Variants in GPR65 observed in about 807,000 individuals in gnomAD.
GPR65 encodes the protein T-cell death-associated gene 8 protein.
GPR65 carries 2 observed loss-of-function variants against 0.7 expected under a neutral mutation model. The observed-to-expected ratio is 2.83, with a 90% CI of 1.16 to 8.92. The LOEUF (loss-of-function observed/expected upper bound fraction) is 8.92, where lower values mean the gene tolerates loss of function less well. Ranked by LOEUF, GPR65 falls within the 30% of genes most tolerant of loss-of-function variation. The pLI, the probability that GPR65 is intolerant of heterozygous loss-of-function variation, is 0.04. For synonymous variants in GPR65, 128 were observed against 146.5 expected, an observed-to-expected ratio of 0.87 and a Z score of 0.91; for missense variants, 379 against 399.4, an observed-to-expected ratio of 0.95 and a Z score of 0.43.
rs776868279 is a variant in GPR65, at chr14:88,010,742, A to G, written c.-106A>G. 1 of 722,550 alleles carries G rather than the reference A, an allele frequency of 1.4e-6. No individual in the cohort carries two copies. The highest frequency in any genetic ancestry group is 2.3e-6 in the Non-Finnish European group (1 of 429,292). The allele number at this position is 722,550 out of a possible 1,614,324, so 44.8% of individuals were successfully genotyped here. On this transcript the variant is annotated 5_prime_UTR_variant, in exon 2 of 2. Transcript: ENST00000267549. ...GACAACAAAGAAAAATTGAAAAAGA[A>G]TTCTCAGTAAAAGCGAATTCGATGT...
rs1320344923 is a variant in GPR65 at position 88,014,102 on chromosome 14, AT to A, written c.*2244del. On this transcript the variant is annotated 3_prime_UTR_variant, in exon 2 of 2. Coordinates refer to ENST00000267549, the MANE Select transcript of GPR65 (RefSeq NM_003608.4). ...TGCTGAAATCTCATTTGCACTATTC[AT>A]TTCTCTTCTCTCTGGAAAGCTCGGC... 6.6e-6 allele frequency: 1 copy of A among 152,228 alleles called. No homozygotes were observed. Among genetic ancestry groups the A allele is most frequent in the Non-Finnish European group, 1.5e-5 (1 of 68,040 alleles). 9.4% of individuals were successfully genotyped at this position (152,228 alleles called of 1,614,324 possible). A position where few individuals can be genotyped will look rare whatever the true frequency, so the allele number is the denominator to read the frequency against.
In GPR65 at chr14:88,010,949, A is replaced by C; in HGVS notation, c.102A>C (p.Gly34=). The part of the protein sequence containing the change: ...VIIVSIPANI[G]SLCVSFLQAK... Reference sequence around the variant, plus strand: ...TAGTCAGCATTCCAGCCAATATTGGATCTCTGTGTGTGTCTTTCCTGCAAG... The same window carrying C: ...TAGTCAGCATTCCAGCCAATATTGGCTCTCTGTGTGTGTCTTTCCTGCAAG... Residue 34 remains glycine (G), a synonymous_variant, in exon 2 of 2, where the codon GGA becomes GGC. Transcript: ENST00000267549. The C allele has an allele frequency of 1.2e-6, 2 of 1,612,886 alleles. No homozygotes were observed. The highest frequency in any genetic ancestry group is 1.1e-5 in the South Asian group (1 of 91,048).
In GPR65 at chr14:88,014,619, T is replaced by C. The variant is rs1316400182; in HGVS notation, c.*2758T>C. 2 of 152,192 alleles carry C rather than the reference T, an allele frequency of 1.3e-5. No individual in the cohort carries two copies. The highest frequency in any genetic ancestry group is 1.3e-4 in the Admixed American group (2 of 15,270). The allele number at this position is 152,192 out of a possible 1,614,324, so 9.4% of individuals were successfully genotyped here. A position where few individuals can be genotyped will look rare whatever the true frequency, so the allele number is the denominator to read the frequency against. On this transcript the variant is annotated 3_prime_UTR_variant, in exon 2 of 2. Transcript: ENST00000267549. ...GCCTATAATTTTCTGAAGCTCTTTATGATGCACCGGTGCATTTTTATTTAA... is the reference window on the plus strand; with the variant it reads ...GCCTATAATTTTCTGAAGCTCTTTACGATGCACCGGTGCATTTTTATTTAA...
At chr14:88,008,724 C>T (rs900782451) in intron 1 of GPR65, among the ~76,000 whole-genome samples, 2 of 152,170 alleles carry the variant, frequency 1.3e-5, no homozygotes, top group African/African-American at 4.8e-5. Context: ...TTTTACTCAA[C>T]AGCATATGAG....
rs1363564030 is a variant in GPR65, at chr14:88,014,109, T to TTC, written c.*2254_*2255dup. ...ATCTCATTTGCACTATTCATTTCTC[T>TTC]TCTCTCTGGAAAGCTCGGCAATCAT... On this transcript the variant is annotated 3_prime_UTR_variant, in exon 2 of 2. Coordinates refer to ENST00000267549, the MANE Select transcript of GPR65 (RefSeq NM_003608.4). 5 of 152,242 alleles carry TTC rather than the reference T, an allele frequency of 3.3e-5. No individual in the cohort carries two copies. The allele number at this position is 152,242 out of a possible 1,614,324, so 9.4% of individuals were successfully genotyped here.
At position 88,011,749 on chromosome 14, in the gene GPR65, T is replaced by C. The variant is rs777862779; in HGVS notation, c.902T>C (p.Met301Thr). Residue 301 changes from methionine (M) to threonine (T), a missense_variant, in exon 2 of 2, where the codon ATG (methionine) becomes ACG (threonine). Physicochemically the swap from Met to Thr is moderately conservative, Grantham distance 81 (BLOSUM62 -1). Transcript: ENST00000267549. ...CFVTETGRYD[M>T]WNILKFCTGR... ...GTAACCGAAACAGGAAGATATGATA[T>C]GTGGAATATATTAAAATTCTGCACT... is the stretch of plus-strand genomic sequence containing the variant. The C allele has an allele frequency of 8.1e-5, 130 of 1,612,932 alleles. No individual in the cohort carries two copies. The highest frequency in any genetic ancestry group is 1.1e-4 in the Non-Finnish European group (128 of 1,179,094).
intron 1 of GPR65, among the ~76,000 whole-genome samples, chr14:88,008,310 C>T (rs1342612864): frequency 6.6e-6 from 1 of 152,172 alleles, no homozygotes; most frequent in Non-Finnish European, 1.5e-5. Flanking sequence ...TCCTCATGCC[C>T]TCTTCCAACA....
At chr14:88,010,107 T>C (rs1887651445) in intron 1 of GPR65, among the ~76,000 whole-genome samples, 2 of 152,236 alleles carry the variant, frequency 1.3e-5, no homozygotes, top group Non-Finnish European at 2.9e-5. Context: ...ACTTTTTAAA[T>C]TGAGTTTTGT....
chr14:88,012,001 A>T lies in GPR65; in HGVS notation c.*140A>T, dbSNP rs1267071260. On this transcript the variant is annotated 3_prime_UTR_variant, in exon 2 of 2. Transcript: ENST00000267549. Reference sequence around the variant, plus strand: ...TGTTTTAATCCAGTCCAATAAAAATATCTTAAAACTGCATTGTACAGCTCC... The same window carrying T: ...TGTTTTAATCCAGTCCAATAAAAATTTCTTAAAACTGCATTGTACAGCTCC... 2 of 624,870 alleles carry T rather than the reference A, an allele frequency of 3.2e-6. No individual in the cohort carries two copies. Among genetic ancestry groups the T allele is most frequent in the African/African-American group, 3.7e-5 (2 of 54,132 alleles). 38.7% of individuals were successfully genotyped at this position (624,870 alleles called of 1,614,324 possible).
At chr14:88,006,484 G>A (rs959746354) in intron 1 of GPR65, among the ~76,000 whole-genome samples, 6 of 152,106 alleles carry the variant, frequency 3.9e-5, no homozygotes, top group Non-Finnish European at 5.9e-5. Flanking sequence ...CAAAGAAGAG[G>A]GCCTCTGCTT....
At position 88,014,795 on chromosome 14, in the gene GPR65, A is replaced by T. The variant is rs963952200; in HGVS notation, c.*2934A>T. The stretch of plus-strand genomic sequence containing the variant: ...CTATATTTTATTCTAGAATAAAATT[A>T]TAAATTTCTTTATCTAGGAAATGTG... On this transcript the variant is annotated 3_prime_UTR_variant, in exon 2 of 2. Coordinates refer to ENST00000267549, the MANE Select transcript of GPR65 (RefSeq NM_003608.4). 6 of 152,152 alleles carry T rather than the reference A, an allele frequency of 3.9e-5. No individual in the cohort carries two copies. The highest frequency in any genetic ancestry group is 3.9e-4 in the Admixed American group (6 of 15,276). 9.4% of individuals were successfully genotyped at this position (152,152 alleles called of 1,614,324 possible). A position where few individuals can be genotyped will look rare whatever the true frequency, so the allele number is the denominator to read the frequency against.
At chr14:88,008,697 A>C (rs1036293945) in intron 1 of GPR65, among the ~76,000 whole-genome samples, 3 of 152,200 alleles carry the variant, frequency 2.0e-5, no homozygotes, top group Non-Finnish European at 4.4e-5. Flanking sequence ...TATGGCATGC[A>C]TAAGTGCCTA....
rs926271839 is a variant in GPR65 at position 88,012,129 on chromosome 14, A to G, written c.*268A>G. 5.1e-5 allele frequency: 14 copies of G among 275,632 alleles called. No homozygotes were observed. Among genetic ancestry groups the G allele is most frequent in the Non-Finnish European group, 8.0e-5 (11 of 137,438 alleles). The allele number at this position is 275,632 out of a possible 1,614,324, so 17.1% of individuals were successfully genotyped here. A position where few individuals can be genotyped will look rare whatever the true frequency, so the allele number is the denominator to read the frequency against. ...TGCCAATTGTTTTTGTATCTGTGCT[A>G]TAATCCCTTAGAGTCAGTAAAGTAT... On this transcript the variant is annotated 3_prime_UTR_variant, in exon 2 of 2. Transcript: ENST00000267549.
At chr14:88,008,538 C>G (rs1887630348) in intron 1 of GPR65, among the ~76,000 whole-genome samples, 1 of 152,078 alleles carries the variant, frequency 6.6e-6, no homozygotes, top group South Asian at 2.1e-4. Context: ...TCCCAATTTA[C>G]TCATCTATTA....
chr14:88,006,486 C>T (rs373700180), intron 1 of GPR65, among the ~76,000 whole-genome samples: 4 of 152,158 alleles, frequency 2.6e-5, no homozygotes, highest in African/African-American at 9.7e-5. Flanking sequence ...AAGAAGAGGG[C>T]CTCTGCTTCA....
In GPR65 at chr14:88,011,041, T is replaced by A; in HGVS notation, c.194T>A (p.Leu65Ter). ...TCACTATCAGATTTACTCTATGCAT[T>A]AACTCTCCCTTTATGGATTGATTAT... ...SLSLSDLLYA[L>*]TLPLWIDYTW... The change falls in exon 2 of 2, where the codon TTA becomes TAA. Residue 65 changes from leucine to a stop codon, truncating the protein, a stop_gained. Coordinates refer to ENST00000267549, the MANE Select transcript of GPR65 (RefSeq NM_003608.4). LOFTEE classifies it low-confidence loss of function (END_TRUNC). 1 of 1,611,522 alleles carries A rather than the reference T, an allele frequency of 6.2e-7. No homozygotes were observed. The highest frequency in any genetic ancestry group is 8.5e-7 in the Non-Finnish European group (1 of 1,177,622).
intron 1 of GPR65, among the ~76,000 whole-genome samples, chr14:88,006,327 A>G (rs1887593415): frequency 6.6e-6 from 1 of 152,130 alleles, no homozygotes; most frequent in South Asian, 2.1e-4. Flanking sequence ...ACAATCTTAG[A>G]AACTGGGTAC....
At position 88,010,783 on chromosome 14, in the gene GPR65, A is replaced by G. The variant is rs1887664203; in HGVS notation, c.-65A>G. The G allele has an allele frequency of 6.3e-6, 7 of 1,111,138 alleles. No homozygotes were observed. Among genetic ancestry groups the G allele is most frequent in the Middle Eastern group, 2.1e-4 (1 of 4,808 alleles). 68.8% of individuals were successfully genotyped at this position (1,111,138 alleles called of 1,614,324 possible). On this transcript the variant is annotated 5_prime_UTR_variant, in exon 2 of 2. Coordinates refer to ENST00000267549, the MANE Select transcript of GPR65 (RefSeq NM_003608.4). ...AATTCGATGTTCAAAACAAACTACA[A>G]AGAGACAAGACTTCTCTGTTTACTT...
intron 1 of GPR65, among the ~76,000 whole-genome samples, chr14:88,008,382 G>T (rs1022280484): frequency 6.6e-6 from 1 of 152,042 alleles, no homozygotes; most frequent in Admixed American, 6.6e-5. Flanking sequence ...GATTAACTTT[G>T]CCTGGTTTGT....
Sources: allele counts gnomAD v4.1 joint callset (sites outside exome capture counted in the v4.1 genomes callset), GRCh38; gene constraint gnomAD v4.1.1; transcripts MANE v1.5; gene names NCBI Gene and HGNC (gene_info 2026-07-23, HGNC 2026-07-21).